The following PCDHA5 variants were observed in gnomAD, a reference collection of about 807,000 sequenced individuals.
The protein encoded by PCDHA5 is protocadherin alpha-5.
PCDHA5 carries 43 observed loss-of-function variants against 61.6 expected under a neutral mutation model. That is an observed-to-expected ratio of 0.70 (90% CI 0.55 to 0.90). The LOEUF (loss-of-function observed/expected upper bound fraction) is 0.90. Among genes scored for constraint, PCDHA5 ranks in the 40% least tolerant of loss-of-function variants. The pLI, the probability that PCDHA5 is intolerant of heterozygous loss-of-function variation, is 0.00. For synonymous variants in PCDHA5, 627 were observed against 543.9 expected (o/e 1.15, Z -2.13); for missense variants, 1,298 against 1,222.7 (o/e 1.06, Z -0.92).
chr5:140,906,720 G>A (rs2072884338), intron 1 of PCDHA5, among the ~76,000 whole-genome samples: 1 of 152,182 alleles, frequency 6.6e-6, no homozygotes, highest in African/African-American at 2.4e-5. Context: ...CCTGGATTGT[G>A]CTGTTGTAGT....
At chr5:140,841,784 G>T in intron 1 of PCDHA5, 1 of 1,613,930 alleles carries the variant, frequency 6.2e-7, no homozygotes. Flanking sequence ...GTTTCCGCTA[G>T]AGGGCGCGTC....
intron 3 of PCDHA5, among the ~76,000 whole-genome samples, chr5:141,000,775 C>G (rs919489031): frequency 5.3e-5 from 8 of 151,752 alleles, no homozygotes; most frequent in African/African-American, 1.9e-4. Context: ...GGCATAGTGG[C>G]GCACACCTGT....
At chr5:140,990,155 G>GT (rs1274867030) in intron 3 of PCDHA5, among the ~76,000 whole-genome samples, 4 of 152,076 alleles carry the variant, frequency 2.6e-5, no homozygotes, top group African/African-American at 9.7e-5. Context: ...ATAATAGAAA[G>GT]TTAGGGTATG....
Position 140,823,178 on chromosome 5 carries a change from C to T in PCDHA5, c.1403C>T (p.Pro468Leu), listed in dbSNP as rs2150123188. The change falls in exon 1 of 4, where the codon CCG becomes CTG. Residue 468 changes from proline to leucine, a missense_variant. Transcript: ENST00000529859. ...ACCGTGTTCGTGAAGGAGAACAACC[C>T]GCCAGGCTGCCACATCTTCACGGTG... ...QYTVFVKENN[P>L]PGCHIFTVSA... 4.3e-6 allele frequency: 7 copies of T among 1,613,746 alleles called. No homozygotes were observed. The East Asian group carries it at 8.9e-5, about 21-fold the overall frequency.
intron 1 of PCDHA5, chr5:140,836,321 C>A: frequency 1.9e-6 from 3 of 1,613,768 alleles, no homozygotes; most frequent in Non-Finnish European, 2.5e-6. Flanking sequence ...CGCGCCACCG[C>A]CTTCTGGTGC....
chr5:140,870,493 AAGG>A, intron 1 of PCDHA5: 1 of 1,614,214 alleles, frequency 6.2e-7, no homozygotes, highest in Non-Finnish European at 8.5e-7. Context: ...CGTGTTCGTG[AAGG>A]AGAACAACCC....
chr5:140,822,308 A>G lies in PCDHA5; in HGVS notation c.533A>G (p.Asp178Gly), dbSNP rs2150115344. ...RYRLNPNEYFDLDVKTNEEET... is the reference protein window; with the variant it reads ...RYRLNPNEYFGLDVKTNEEET... ...AGGTTAAATCCAAACGAATATTTTG[A>G]CTTAGATGTTAAAACAAATGAAGAA... The change falls in exon 1 of 4, where the codon GAC becomes GGC. Residue 178 changes from aspartate to glycine, a missense_variant. Asp to Gly is a moderately conservative substitution (Grantham distance 94). Transcript: ENST00000529859. 3.1e-6 allele frequency: 5 copies of G among 1,614,222 alleles called. No individual in the cohort carries two copies. The highest frequency in any genetic ancestry group is 4.2e-6 in the Non-Finnish European group (5 of 1,180,040).
At position 140,850,219 on chromosome 5, in the gene PCDHA5, G is replaced by A. The variant is rs201367294; in HGVS notation, c.2352+26092G>A. On this transcript the variant is annotated intron_variant, in intron 1 of 3. Coordinates refer to ENST00000529859, the MANE Select transcript of PCDHA5 (RefSeq NM_018908.3). ...ACACCTCGGATGAGGGGCACTGACG[G>A]CGCAGTGAGCGAGATGGTGCTGCGG... 1.1e-5 allele frequency: 17 copies of A among 1,593,552 alleles called. 1 individual carries two copies. The highest frequency in any genetic ancestry group is 1.3e-5 in the African/African-American group (1 of 74,312).
At chr5:140,908,911 T>C (rs535661545) in intron 1 of PCDHA5, among the ~76,000 whole-genome samples, 1 of 152,300 alleles carries the variant, frequency 6.6e-6, no homozygotes, top group South Asian at 2.1e-4. Flanking sequence ...TTCGTGGTTG[T>C]AGGAGGGGCC....
intron 1 of PCDHA5, chr5:140,968,110 G>A: frequency 1.2e-6 from 2 of 1,614,172 alleles, no homozygotes; most frequent in Non-Finnish European, 1.7e-6. Context: ...GAATACCGCA[G>A]CTCACATCCC....
In PCDHA5 at chr5:140,843,265, G is replaced by T. The variant is rs2150356257; in HGVS notation, c.2352+19138G>T. ...CGGACTCTCCGCGCCACCGTCTGCT[G>T]GTCCTGGTGAAGGATCATGGTGAAC... On this transcript the variant is annotated intron_variant, in intron 1 of 3. Transcript: ENST00000529859. 33 of 1,595,976 alleles carry T rather than the reference G, an allele frequency of 2.1e-5. 4 individuals are homozygous for T. Among genetic ancestry groups the T allele is most frequent in the Non-Finnish European group, 2.7e-5 (32 of 1,165,590 alleles).
In PCDHA5 at chr5:140,822,639, A is replaced by G. The variant is rs1554128778; in HGVS notation, c.864A>G (p.Val288=). 1.9e-6 allele frequency: 3 copies of G among 1,610,754 alleles called. No individual in the cohort carries two copies. Among genetic ancestry groups the G allele is most frequent in the Admixed American group, 1.7e-5 (1 of 59,852 alleles). The change falls in exon 1 of 4, where the codon GTA becomes GTG. Residue 288 remains valine (V), a synonymous_variant. Transcript: ENST00000529859. ...YFFSNLVLDD[V]KSKFIINSNT... is the part of the protein sequence containing the mutation. Reference sequence around the variant, plus strand: ...TTAGTAATCTTGTTCTTGACGATGTAAAGTCCAAATTTATAATTAATTCTA... The same window carrying G: ...TTAGTAATCTTGTTCTTGACGATGTGAAGTCCAAATTTATAATTAATTCTA...
Position 140,843,638 on chromosome 5 carries a change from A to G in PCDHA5, c.2352+19511A>G, listed in dbSNP as rs2150364336. On this transcript the variant is annotated intron_variant, in intron 1 of 3. Transcript: ENST00000529859. ...ACCGAAGACGGACCTCATGGCCTTC[A>G]GCCCCTGCCTTCCTCCTGATCTGGG... 6.9e-6 allele frequency: 11 copies of G among 1,595,882 alleles called. 1 individual carries two copies. In the African/African-American group the frequency reaches 9.4e-5, roughly 14 times the overall value.
In PCDHA5 at chr5:140,877,117, G is replaced by A. The variant is rs781979355; in HGVS notation, c.2352+52990G>A. The A allele has an allele frequency of 9.3e-6, 15 of 1,613,720 alleles. No homozygotes were observed. The East Asian group carries it at 1.8e-4, about 19-fold the overall frequency. ...CGGCGTGCCGCCTCTGGGCAGCAAC[G>A]TGACGCTGCAGGTGTTCGTGCTGGA... On this transcript the variant is annotated intron_variant, in intron 1 of 3. Coordinates refer to ENST00000529859, the MANE Select transcript of PCDHA5 (RefSeq NM_018908.3).
intron 1 of PCDHA5, chr5:140,836,080 T>G: frequency 6.2e-7 from 1 of 1,613,702 alleles, no homozygotes; most frequent in South Asian, 1.1e-5. Flanking sequence ...CCGGCACTGC[T>G]GGCGCCTCGG....
intron 1 of PCDHA5, chr5:140,849,631 C>T (rs1420116436): frequency 1.3e-6 from 2 of 1,598,614 alleles, no homozygotes; most frequent in Admixed American, 1.7e-5. Context: ...GACCTAGACG[C>T]AGATGCCAAC....
chr5:141,000,913 A>G (rs967026969), intron 3 of PCDHA5, among the ~76,000 whole-genome samples: 1 of 152,218 alleles, frequency 6.6e-6, no homozygotes, highest in African/African-American at 2.4e-5. Context: ...GTCTCTAAAA[A>G]AAAAAATCCT....
Position 140,883,665 on chromosome 5 carries a change from A to G in PCDHA5, c.2352+59538A>G, listed in dbSNP as rs782383703. 3.7e-6 allele frequency: 6 copies of G among 1,613,494 alleles called. No individual in the cohort carries two copies. The African/African-American group carries it at 8.0e-5, about 22-fold the overall frequency. On this transcript the variant is annotated intron_variant, in intron 1 of 3. Transcript: ENST00000529859. ...CCCGAGTACACGGTGTTCGTGAAGG[A>G]AAACAATCCGCCGGGCTGCCACATC...
At chr5:140,931,951 G>A (rs1366094994) in intron 1 of PCDHA5, among the ~76,000 whole-genome samples, 1 of 151,826 alleles carries the variant, frequency 6.6e-6, no homozygotes, top group Non-Finnish European at 1.5e-5. Flanking sequence ...GAGTCTTACA[G>A]AATCATGTTG....
Sources: allele counts gnomAD v4.1 joint callset (sites outside exome capture counted in the v4.1 genomes callset), GRCh38; gene constraint gnomAD v4.1.1; transcripts MANE v1.5; gene names NCBI Gene and HGNC (gene_info 2026-07-23, HGNC 2026-07-21).